Variants in DLGAP1 observed in about 807,000 individuals in gnomAD.
The protein encoded by DLGAP1 is DLG associated protein 1.
Under a neutral mutation model 90.8 loss-of-function variants are expected in DLGAP1, and 11 were observed. The observed-to-expected ratio is 0.12, with a 90% CI of 0.08 to 0.20. The LOEUF is 0.20. DLGAP1 is among the 10% of genes least tolerant of loss of function. DLGAP1 has a pLI of 1.00. For synonymous variants in DLGAP1, 558 were observed against 540.7 expected (o/e 1.03, Z -0.44); for missense variants, 1,050 against 1,333.8 (o/e 0.79, Z 3.31).
chr18:3,799,492 G>A (rs1009188225), intron 5 of DLGAP1, among the ~76,000 whole-genome samples: 9 of 123,762 alleles, frequency 7.3e-5, no homozygotes, highest in African/African-American at 1.9e-4. Flanking sequence ...CTTAAAAAAC[G>A]TAGTGCCTTT....
intron 9 of DLGAP1, among the ~76,000 whole-genome samples, chr18:3,551,004 GT>G (rs2053372792): frequency 6.6e-6 from 1 of 151,844 alleles, no homozygotes; most frequent in South Asian, 2.1e-4. Context: ...GCCTCCCAAA[GT>G]GCTGGGATTA....
At chr18:4,254,696 T>C (rs1039333674) in intron 1 of DLGAP1, among the ~76,000 whole-genome samples, 5 of 145,674 alleles carry the variant, frequency 3.4e-5, no homozygotes, top group African/African-American at 1.4e-4. Context: ...TTTATGAAAA[T>C]TGGAAAGAGA....
intron 2 of DLGAP1, among the ~76,000 whole-genome samples, chr18:4,092,522 T>C (rs944491777): frequency 2.1e-5 from 3 of 140,520 alleles, no homozygotes; most frequent in Non-Finnish European, 3.2e-5. Context: ...TGGTGTAGGA[T>C]CTCGGACTTA....
chr18:4,245,187 C>T (rs971971280), intron 1 of DLGAP1, among the ~76,000 whole-genome samples: 2 of 152,072 alleles, frequency 1.3e-5, no homozygotes, highest in African/African-American at 4.8e-5. Context: ...GGAAAGTGCT[C>T]GGTACTTGAC....
chr18:3,702,116 A>G (rs1028967274), intron 7 of DLGAP1, among the ~76,000 whole-genome samples: 1 of 152,156 alleles, frequency 6.6e-6, no homozygotes, highest in Admixed American at 6.5e-5. Context: ...CAATGGCACA[A>G]TCTCGGCTCA....
chr18:4,332,923 A>C (rs1475913487), intron 1 of DLGAP1, among the ~76,000 whole-genome samples: 1 of 151,940 alleles, frequency 6.6e-6, no homozygotes, highest in Non-Finnish European at 1.5e-5. Flanking sequence ...GTTTAAAACT[A>C]AACTCTTCTC....
At chr18:4,050,086 T>G (rs1208133029) in intron 2 of DLGAP1, among the ~76,000 whole-genome samples, 1 of 152,176 alleles carries the variant, frequency 6.6e-6, no homozygotes, top group African/African-American at 2.4e-5. Context: ...GAGACAGAAG[T>G]TAAAGAAACA....
intron 1 of DLGAP1, among the ~76,000 whole-genome samples, chr18:4,267,542 C>CA (rs35224952): frequency 0.025 from 3,873 of 152,256 alleles, 101 homozygotes; most frequent in African/African-American, 0.063. Context: ...ATCTTGCACC[C>CA]AAAGGAAATA....
chr18:4,255,022 G>A (rs1373176646), intron 1 of DLGAP1, among the ~76,000 whole-genome samples: 1 of 152,210 alleles, frequency 6.6e-6, no homozygotes, highest in Non-Finnish European at 1.5e-5. Flanking sequence ...GAATTAGCAT[G>A]ATGGACTAGT....
intron 3 of DLGAP1, among the ~76,000 whole-genome samples, chr18:3,905,475 C>T (rs190670232): frequency 3.3e-5 from 5 of 151,370 alleles, no homozygotes; most frequent in African/African-American, 9.7e-5. Flanking sequence ...ATACCATTTC[C>T]GTACAAAAAT....
intron 1 of DLGAP1, among the ~76,000 whole-genome samples, chr18:4,257,231 T>C: frequency 6.6e-6 from 1 of 152,190 alleles, no homozygotes. Context: ...GAGAGAAATA[T>C]TGAGTGAAAT....
Position 4,015,483 on chromosome 18 carries a change from T to C in DLGAP1, c.-158-10282A>G, listed in dbSNP as rs139111982. On this transcript the variant is annotated intron_variant, in intron 2 of 12. Transcript: ENST00000315677. ...TAGTCTACTAGCAAGCTGTGTGTGT[T>C]GACCACACACTTTCTAATGTATCCA... Among the ~76,000 whole-genome samples the C allele has an allele frequency of 2.3e-4, 35 of 152,356 alleles. No individual in the cohort carries two copies. The East Asian group carries it at 6.0e-3, about 26-fold the overall frequency.
At chr18:3,781,878 T>C (rs1405026695) in intron 5 of DLGAP1, among the ~76,000 whole-genome samples, 1 of 152,248 alleles carries the variant, frequency 6.6e-6, no homozygotes, top group Non-Finnish European at 1.5e-5. Flanking sequence ...CTTTTCTTGA[T>C]GGATTCAACT....
chr18:3,971,356 C>T (rs546216780), intron 3 of DLGAP1, among the ~76,000 whole-genome samples: 59 of 152,216 alleles, frequency 3.9e-4, no homozygotes, highest in African/African-American at 1.3e-3. Context: ...TTTTTGACTG[C>T]TACCGATGGT....
At position 3,539,715 on chromosome 18, in the gene DLGAP1, A is replaced by G. The variant is rs753276307; in HGVS notation, c.2058-5100T>C. Among the ~76,000 whole-genome samples, 101 of 152,362 alleles carry G rather than the reference A, an allele frequency of 6.6e-4. 1 individual carries two copies. Among genetic ancestry groups the G allele is most frequent in the Admixed American group, 2.7e-3 (42 of 15,306 alleles). ...CTGTCTGATAGAGTTGCAGTTAAAC[A>G]AAAGAAATTGTGCACAAAAACTAAG... On this transcript the variant is annotated intron_variant, in intron 9 of 12. Transcript: ENST00000315677.
chr18:3,951,727 T>C (rs2072989361), intron 3 of DLGAP1, among the ~76,000 whole-genome samples: 1 of 152,152 alleles, frequency 6.6e-6, no homozygotes, highest in Non-Finnish European at 1.5e-5. Flanking sequence ...CTGTTCTCCA[T>C]GATAGTGAGC....
intron 1 of DLGAP1, among the ~76,000 whole-genome samples, chr18:4,447,659 TTAATGAATAA>T (rs1310596658): frequency 6.6e-6 from 1 of 152,136 alleles, no homozygotes; most frequent in Non-Finnish European, 1.5e-5. Context: ...ACAGGAATTT[TTAATGAATAA>T]TAAAGAATTA....
At chr18:4,061,350 G>A (rs1464606234) in intron 2 of DLGAP1, among the ~76,000 whole-genome samples, 2 of 147,002 alleles carry the variant, frequency 1.4e-5, no homozygotes, top group African/African-American at 2.6e-5. Context: ...GAAGGTTTGA[G>A]GAAGTTGTGG....
chr18:4,347,315 T>C (rs1341813455), intron 1 of DLGAP1, among the ~76,000 whole-genome samples: 2 of 152,086 alleles, frequency 1.3e-5, no homozygotes, highest in East Asian at 1.9e-4. Flanking sequence ...CTGCAAAACG[T>C]TGGAAATGAA....
Sources: allele counts gnomAD v4.1 joint callset (sites outside exome capture counted in the v4.1 genomes callset), GRCh38; gene constraint gnomAD v4.1.1; transcripts MANE v1.5; gene names NCBI Gene and HGNC (gene_info 2026-07-23, HGNC 2026-07-21).